The following TEF variants were observed in gnomAD, a reference collection of about 807,000 sequenced individuals.
The protein encoded by TEF is TEF transcription factor, PAR bZIP family member.
In TEF, 3 loss-of-function variants were observed where a neutral mutation model predicts 20.8. That is an observed-to-expected ratio of 0.14 (90% confidence interval 0.07 to 0.37). TEF has a LOEUF of 0.37. Ranked by LOEUF, TEF falls within the 10% of genes least tolerant of loss-of-function variation. The pLI is 1.00. For missense variants in TEF, 296 were observed against 397.9 expected (o/e 0.74, Z 2.18); for synonymous variants, 180 against 171.1 (o/e 1.05, Z -0.41).
intron 2 of TEF, among the ~76,000 whole-genome samples, chr22:41,389,236 TAA>T (rs1333902997): frequency 1.3e-5 from 2 of 151,958 alleles, no homozygotes; most frequent in Non-Finnish European, 2.9e-5. Context: ...CCATCTCTAC[TAA>T]AAAGTACAAA....
Position 41,396,207 on chromosome 22 carries a change from T to C in TEF, c.*247T>C. On this transcript the variant is annotated 3_prime_UTR_variant, in exon 4 of 4. Transcript: ENST00000266304. The stretch of plus-strand genomic sequence containing the variant: ...ATCTGCGTAGATGGGTGACTCAGCC[T>C]TAGTTTCTATTCTTGGATGTCCCAG... 4.2e-6 allele frequency: 2 copies of C among 474,848 alleles called. No individual in the cohort carries two copies. The highest frequency in any genetic ancestry group is 7.7e-6 in the Non-Finnish European group (2 of 261,268). The allele number at this position is 474,848 out of a possible 1,614,324, so 29.4% of individuals were successfully genotyped here. A position where few individuals can be genotyped will look rare whatever the true frequency, so the allele number is the denominator to read the frequency against.
intron 2 of TEF, among the ~76,000 whole-genome samples, chr22:41,388,016 GAGAAGGAGTCTCGCTC>G (rs2037120590): frequency 8.1e-5 from 1 of 12,322 alleles, no homozygotes. Flanking sequence ...TTTTTTTTTT[GAGAAGGAGTCTCGCTC>G]TGTTGCCCAG....
intron 2 of TEF, among the ~76,000 whole-genome samples, chr22:41,393,737 C>T (rs917802604): frequency 1.4e-5 from 2 of 144,240 alleles, no homozygotes; most frequent in African/African-American, 5.3e-5. Flanking sequence ...TGCGCCACTG[C>T]ACTCCAGCCT....
chr22:41,398,368 T>A lies in TEF; in HGVS notation c.*2408T>A, dbSNP rs551153983. 6.5e-6 allele frequency: 1 copy of A among 153,876 alleles called. No homozygotes were observed. The highest frequency in any genetic ancestry group is 2.4e-5 in the African/African-American group (1 of 41,576). The allele number at this position is 153,876 out of a possible 1,614,324, so 9.5% of individuals were successfully genotyped here. On this transcript the variant is annotated 3_prime_UTR_variant, in exon 4 of 4. Coordinates refer to ENST00000266304, the MANE Select transcript of TEF (RefSeq NM_003216.4). Reference sequence around the variant, plus strand: ...ACTGCGGCTCCTGTGCTTGGATCTTTGACATCTGTCAGTCACTGGAGGCTA... The same window carrying A: ...ACTGCGGCTCCTGTGCTTGGATCTTAGACATCTGTCAGTCACTGGAGGCTA...
intron 1 of TEF, among the ~76,000 whole-genome samples, chr22:41,374,351 C>T (rs1260486885): frequency 1.3e-5 from 2 of 152,022 alleles, no homozygotes; most frequent in East Asian, 3.9e-4. Context: ...GAGATCGAGA[C>T]CATCCTGGCT....
chr22:41,386,356 G>C (rs373652426), intron 1 of TEF, among the ~76,000 whole-genome samples: 3 of 152,126 alleles, frequency 2.0e-5, no homozygotes, highest in Admixed American at 1.3e-4. Context: ...CAGGAGAATC[G>C]CTTGAACCAG....
At chr22:41,380,700 C>G (rs894698854), upstream of TEF, among the ~76,000 whole-genome samples, 1 of 152,162 alleles carries the variant, frequency 6.6e-6, no homozygotes, top group Non-Finnish European at 1.5e-5. Flanking sequence ...TAAAGAGGTA[C>G]AAAGTTCTGA....
intron 1 of TEF, among the ~76,000 whole-genome samples, chr22:41,367,778 C>T (rs1334423016): frequency 6.6e-6 from 1 of 152,122 alleles, no homozygotes; most frequent in Non-Finnish European, 1.5e-5. Context: ...TGTGTCACAC[C>T]GGCTCTGGGA....
intron 1 of TEF, chr22:41,369,325 G>A (rs756095100): frequency 1.1e-6 from 1 of 877,716 alleles, no homozygotes; most frequent in Non-Finnish European, 1.4e-6. Flanking sequence ...GTTTCAGGCA[G>A]AGCTTTGCCG....
At position 41,387,271 on chromosome 22, in the gene TEF, G is replaced by T. The variant is rs371982375; in HGVS notation, c.158-80G>T. ...CGGGGCTCTGAGAAAGATGGGCCAGGCCTGTGAGGCTCACTGCCCACTTCC... is the reference window on the plus strand; with the variant it reads ...CGGGGCTCTGAGAAAGATGGGCCAGTCCTGTGAGGCTCACTGCCCACTTCC... On this transcript the variant is annotated intron_variant, in intron 1 of 3. Transcript: ENST00000266304. The T allele has an allele frequency of 2.0e-6, 3 of 1,487,124 alleles. No homozygotes were observed. The African/African-American group carries it at 4.1e-5, about 21-fold the overall frequency. The allele number at this position is 1,487,124 out of a possible 1,614,324, so 92.1% of individuals were successfully genotyped here. A position where few individuals can be genotyped will look rare whatever the true frequency, so the allele number is the denominator to read the frequency against.
intron 1 of TEF, among the ~76,000 whole-genome samples, chr22:41,375,694 A>C (rs1178247177): frequency 6.6e-6 from 1 of 150,740 alleles, no homozygotes; most frequent in Non-Finnish European, 1.5e-5. Flanking sequence ...ACTGCACTCC[A>C]GCCTGGGCAA....
intron 1 of TEF, chr22:41,369,916 A>T (rs1386324244): frequency 1.0e-6 from 1 of 985,274 alleles, no homozygotes; most frequent in Admixed American, 6.2e-5. Flanking sequence ...GACTGTTTAC[A>T]AACTCCCCAT....
chr22:41,388,109 G>A lies in TEF; in HGVS notation c.475+441G>A, dbSNP rs891171456. ...ACCTCCTGGGTTCAATCAATTCTCT[G>A]CCTCAGCCTCCTGAGTAGCTGGGAT... On this transcript the variant is annotated intron_variant, in intron 2 of 3. Coordinates refer to ENST00000266304, the MANE Select transcript of TEF (RefSeq NM_003216.4). Among the ~76,000 whole-genome samples the A allele has an allele frequency of 2.2e-5, 3 of 138,964 alleles. No homozygotes were observed. The South Asian group carries it at 6.9e-4, about 32-fold the overall frequency. 91.2% of individuals were successfully genotyped at this position (138,964 alleles called of 152,430 possible). A position where few individuals can be genotyped will look rare whatever the true frequency, so the allele number is the denominator to read the frequency against.
intron 1 of TEF, among the ~76,000 whole-genome samples, chr22:41,375,524 G>A (rs2036929903): frequency 6.6e-6 from 1 of 152,196 alleles, no homozygotes; most frequent in Admixed American, 6.5e-5. Context: ...GCCGAGGCGG[G>A]CGGATCGCGA....
Position 41,394,307 on chromosome 22 carries a change from C to G in TEF, c.687C>G (p.Asp229Glu). The change falls in exon 3 of 4, where the codon GAC (aspartate) becomes GAG (glutamate). Residue 229 changes from aspartate to glutamate, a missense_variant. Transcript: ENST00000266304. ...IKKAKKVFVP[D>E]EQKDEKYWTR... Reference sequence around the variant, plus strand: ...AGGCCAAGAAGGTCTTTGTCCCCGACGAGCAGAAGGTAACCTGGTATTCCT... The same window carrying G: ...AGGCCAAGAAGGTCTTTGTCCCCGAGGAGCAGAAGGTAACCTGGTATTCCT... 1 of 1,613,802 alleles carries G rather than the reference C, an allele frequency of 6.2e-7. No individual in the cohort carries two copies. The highest frequency in any genetic ancestry group is 8.5e-7 in the Non-Finnish European group (1 of 1,179,912).
At chr22:41,376,769 C>T (rs998635239) in intron 1 of TEF, among the ~76,000 whole-genome samples, 10 of 152,192 alleles carry the variant, frequency 6.6e-5, no homozygotes, top group Non-Finnish European at 8.8e-5. Flanking sequence ...CACTGCACAC[C>T]GTGCCAGGCG....
chr22:41,387,211 A>T, intron 1 of TEF, 140 bp from the exon 2 acceptor site: 1 of 921,614 alleles, frequency 1.1e-6, no homozygotes, highest in Non-Finnish European at 1.6e-6. Context: ...CGAACTGGAG[A>T]ATAGAGTAGG....
rs1372644278 is a variant in TEF, at chr22:41,396,936, T to C, written c.*976T>C. On this transcript the variant is annotated 3_prime_UTR_variant, in exon 4 of 4. Transcript: ENST00000266304. ...TTAGAAAATGCCTCCACAGCCCCCT[T>C]CCACCATGGGCATGAGAGCTGGGGT... is the stretch of plus-strand genomic sequence containing the variant. 10 of 398,512 alleles carry C rather than the reference T, an allele frequency of 2.5e-5. No individual in the cohort carries two copies. The highest frequency in any genetic ancestry group is 8.8e-5 in the Admixed American group (2 of 22,704). The allele number at this position is 398,512 out of a possible 1,614,324, so 24.7% of individuals were successfully genotyped here.
At chr22:41,367,465 G>A in exon 1 of TEF, 1 of 1,494,640 alleles carries the variant, frequency 6.7e-7, no homozygotes, top group South Asian at 1.2e-5. Context: ...AGCTGCCTCT[G>A]AACTCCCTGG....
Sources: allele counts gnomAD v4.1 joint callset (sites outside exome capture counted in the v4.1 genomes callset), GRCh38; gene constraint gnomAD v4.1.1; transcripts MANE v1.5; gene names NCBI Gene and HGNC (gene_info 2026-07-23, HGNC 2026-07-21).